The following ARHGAP40 variants were observed in gnomAD, a reference collection of about 807,000 sequenced individuals.
The protein encoded by ARHGAP40 is Rho GTPase activating protein 40.
A neutral mutation model predicts 73.5 loss-of-function variants in ARHGAP40; 43 were observed. That is an observed-to-expected ratio of 0.58 (90% CI 0.46 to 0.75). ARHGAP40 has a LOEUF of 0.75. Among genes scored for constraint, ARHGAP40 ranks in the 30% least tolerant of loss-of-function variants. The pLI, the probability that ARHGAP40 is intolerant of heterozygous loss-of-function variation, is 0.00. For missense variants in ARHGAP40, 734 were observed against 861.8 expected, an observed-to-expected ratio of 0.85 and a Z score of 1.86; for synonymous variants, 300 against 352.8, an observed-to-expected ratio of 0.85 and a Z score of 1.68.
Position 38,629,496 on chromosome 20 carries a change from C to A in ARHGAP40, c.635-6C>A, listed in dbSNP as rs1314048433. 2 of 1,305,338 alleles carry A rather than the reference C, an allele frequency of 1.5e-6. No individual in the cohort carries two copies. Among genetic ancestry groups the A allele is most frequent in the Admixed American group, 4.6e-5 (2 of 43,556 alleles). The allele number at this position is 1,305,338 out of a possible 1,614,324, so 80.9% of individuals were successfully genotyped here. A position where few individuals can be genotyped will look rare whatever the true frequency, so the allele number is the denominator to read the frequency against. ...CTTTCTCTGCTTTGTTTCCCCCGCCCCGCAGCAGCAGAGCCTGGGGGGCTG... is the reference window on the plus strand; with the variant it reads ...CTTTCTCTGCTTTGTTTCCCCCGCCACGCAGCAGCAGAGCCTGGGGGGCTG... On this transcript the variant is annotated splice_region_variant and splice_polypyrimidine_tract_variant and intron_variant, in intron 4 of 14. Coordinates refer to ENST00000373345, the Ensembl canonical transcript of ARHGAP40.
intron 1 of ARHGAP40, among the ~76,000 whole-genome samples, chr20:38,613,044 C>T (rs774332357): frequency 8.5e-5 from 13 of 152,218 alleles, no homozygotes; most frequent in Non-Finnish European, 1.8e-4. Flanking sequence ...GACACAGACC[C>T]AGGATTATCA....
At chr20:38,631,608 T>C (rs1038850680) in intron 5 of ARHGAP40, among the ~76,000 whole-genome samples, 2 of 152,020 alleles carry the variant, frequency 1.3e-5, no homozygotes, top group African/African-American at 2.4e-5. Context: ...CCACAACACA[T>C]GGAAATTCAA....
chr20:38,640,635 G>A (rs1025505842), intron 9 of ARHGAP40, among the ~76,000 whole-genome samples: 3 of 152,084 alleles, frequency 2.0e-5, no homozygotes, highest in Non-Finnish European at 2.9e-5. Flanking sequence ...TCCGGCTCAG[G>A]TCCTGCCTAT....
In ARHGAP40 at chr20:38,630,874, C is replaced by T. The variant is rs113219991; in HGVS notation, c.783+1224C>T. Among the ~76,000 whole-genome samples the T allele has an allele frequency of 9.2e-3, 1,394 of 152,292 alleles. 23 individuals carry two copies. Among genetic ancestry groups the T allele is most frequent in the African/African-American group, 0.032 (1,317 of 41,554 alleles). ...ATAGTCTTTCACAGTCCCTCTATTA[C>T]TAAAGGAAGTGTTTCTTCTTTGACC... is the stretch of plus-strand genomic sequence containing the variant. On this transcript the variant is annotated intron_variant, in intron 5 of 14. Transcript: ENST00000373345.
chr20:38,605,418 T>G (rs1263781709), intron 1 of ARHGAP40, among the ~76,000 whole-genome samples: 2 of 152,166 alleles, frequency 1.3e-5, no homozygotes, highest in Non-Finnish European at 2.9e-5. Context: ...GAGTCAATGT[T>G]GTCATCAAAC....
At chr20:38,648,607 G>A in intron 13 of ARHGAP40, 36 bp from the exon 14 acceptor site, 2 of 1,289,396 alleles carry the variant, frequency 1.6e-6, no homozygotes, top group Non-Finnish European at 2.0e-6. Flanking sequence ...GAAGAAAAAG[G>A]CAGTAGTTTT....
chr20:38,649,634 A>G (rs1038603275), intron 14 of ARHGAP40, 123 bp from the exon 15 acceptor site: 10 of 485,048 alleles, frequency 2.1e-5, no homozygotes, highest in African/African-American at 2.0e-4. Flanking sequence ...AGTAGCTGTG[A>G]GCTGTAGCAG....
At chr20:38,617,213 A>G (rs2088846103) in intron 1 of ARHGAP40, among the ~76,000 whole-genome samples, 1 of 152,138 alleles carries the variant, frequency 6.6e-6, no homozygotes, top group Non-Finnish European at 1.5e-5. Context: ...ACTCATCCCG[A>G]TGGCCCGCAT....
chr20:38,637,241 A>T lies in ARHGAP40; in HGVS notation c.950-467A>T, dbSNP rs185563063. On this transcript the variant is annotated intron_variant, in intron 6 of 14. Coordinates refer to ENST00000373345, the Ensembl canonical transcript of ARHGAP40. ...GCTCACTGCAACCTCTGCCTCCTGG[A>T]TTCAAGCGATTCTCCTGCCTCAGCC... 2.3e-3 allele frequency among the ~76,000 whole-genome samples: 351 copies of T among 151,100 alleles called. 4 individuals are homozygous for T. The highest frequency in any genetic ancestry group is 8.2e-3 in the African/African-American group (335 of 41,068).
intron 1 of ARHGAP40, chr20:38,615,018 A>G (rs531490973): frequency 3.3e-5 from 38 of 1,153,394 alleles, no homozygotes; most frequent in Non-Finnish European, 4.7e-5. Context: ...GTTGATCTCC[A>G]TCAAGGTCAA....
Position 38,646,807 on chromosome 20 carries a change from C to T in ARHGAP40, c.1711-150C>T. Reference sequence around the variant, plus strand: ...GAATGTGTATGTCTGTGATCTGTGCCCAAGTGTCCGGTATGCGTGTGTGTG... The same window carrying T: ...GAATGTGTATGTCTGTGATCTGTGCTCAAGTGTCCGGTATGCGTGTGTGTG... On this transcript the variant is annotated intron_variant, in intron 12 of 14. Coordinates refer to ENST00000373345, the Ensembl canonical transcript of ARHGAP40. The surrounding 1 kb of genome is among the most constrained non-coding windows in gnomAD (Gnocchi z 4.5). 1.6e-6 allele frequency: 1 copy of T among 631,962 alleles called. No individual in the cohort carries two copies. Among genetic ancestry groups the T allele is most frequent in the Non-Finnish European group, 2.4e-6 (1 of 420,622 alleles). The allele number at this position is 631,962 out of a possible 1,614,324, so 39.1% of individuals were successfully genotyped here.
intron 10 of ARHGAP40, among the ~76,000 whole-genome samples, chr20:38,642,506 TA>T (rs2089025500): frequency 6.6e-6 from 1 of 152,182 alleles, no homozygotes; most frequent in African/African-American, 2.4e-5. Flanking sequence ...TCATAAAAGC[TA>T]ACTCATGAGG....
chr20:38,649,717 C>T, intron 14 of ARHGAP40, 40 bp from the exon 15 acceptor site: 1 of 1,237,356 alleles, frequency 8.1e-7, no homozygotes, highest in Non-Finnish European at 1.1e-6. Flanking sequence ...GCATCTCCTA[C>T]AGCCTCCCAC....
intron 14 of ARHGAP40, 55 bp from the exon 15 acceptor site, chr20:38,649,702 G>T: frequency 8.7e-7 from 1 of 1,145,058 alleles, no homozygotes; most frequent in Non-Finnish European, 1.2e-6. Context: ...CTGTGCAGGG[G>T]AACAGCATCT....
chr20:38,640,962 G>A (rs969359696), intron 9 of ARHGAP40, among the ~76,000 whole-genome samples: 2 of 152,152 alleles, frequency 1.3e-5, no homozygotes, highest in Admixed American at 1.3e-4. Flanking sequence ...TAAGCTCCAT[G>A]AGCCTGTGAC....
chr20:38,608,853 G>C (rs1411617058), intron 1 of ARHGAP40, among the ~76,000 whole-genome samples: 1 of 152,108 alleles, frequency 6.6e-6, no homozygotes, highest in African/African-American at 2.4e-5. Flanking sequence ...AGGCTCTCGG[G>C]GACAATCAAT....
At chr20:38,604,437 C>A (rs2088759231) in intron 1 of ARHGAP40, among the ~76,000 whole-genome samples, 1 of 150,996 alleles carries the variant, frequency 6.6e-6, no homozygotes, top group East Asian at 1.9e-4. Flanking sequence ...ACTCCGTTGC[C>A]CAGGCTGGAG....
intron 11 of ARHGAP40, among the ~76,000 whole-genome samples, chr20:38,644,288 A>AC (rs2089038524): frequency 6.6e-6 from 1 of 151,988 alleles, no homozygotes; most frequent in African/African-American, 2.4e-5. Flanking sequence ...TAACAGGGAT[A>AC]CCCCTGCCCT....
chr20:38,610,991 G>A (rs1489661679), intron 1 of ARHGAP40, among the ~76,000 whole-genome samples: 3 of 151,160 alleles, frequency 2.0e-5, no homozygotes, highest in East Asian at 3.9e-4. Context: ...CGGGGTTTAA[G>A]CGATTCTCCT....
Sources: allele counts gnomAD v4.1 joint callset (sites outside exome capture counted in the v4.1 genomes callset), GRCh38; gene constraint gnomAD v4.1.1; non-coding constraint Gnocchi (gnomAD v3.1); transcripts MANE v1.5; gene names NCBI Gene and HGNC (gene_info 2026-07-23, HGNC 2026-07-21).